The following UGT2B4 variants were observed in gnomAD, a reference collection of about 807,000 sequenced individuals.
The protein encoded by UGT2B4 is UDP-glucuronosyltransferase 2B4.
UGT2B4 carries 49 observed loss-of-function variants against 49.8 expected under a neutral mutation model. That is an observed-to-expected ratio of 0.98 (90% CI 0.78 to 1.25). UGT2B4 has a LOEUF of 1.25. UGT2B4 is among the 50% of genes most tolerant of loss of function. UGT2B4 has a pLI of 0.00. For synonymous variants in UGT2B4, 246 were observed against 217.7 expected (o/e 1.13, Z -1.14); for missense variants, 729 against 627.7 (o/e 1.16, Z -1.73).
At chr4:69,520,583 C>A (rs1017668578) in intron 1 of UGT2B4, among the ~76,000 whole-genome samples, 2 of 152,228 alleles carry the variant, frequency 1.3e-5, no homozygotes, top group Admixed American at 1.3e-4. Flanking sequence ...GGAACCCAGT[C>A]TGGGGTAGAG....
chr4:69,495,168 A>G lies in UGT2B4; in HGVS notation c.694T>C (p.Trp232Arg). ...AGAACTTCACTGTAGAACTGATCCC[A>G]CTTCTTCATGTCAAATATTTGGAAC... ...FWFQIFDMKK[W>R]DQFYSEVLGR... The change falls in exon 1 of 6, where the codon TGG becomes CGG. Residue 232 changes from tryptophan to arginine, a missense_variant. Trp to Arg is a moderately radical substitution (Grantham distance 101, BLOSUM62 -3). Transcript: ENST00000305107. The G allele has an allele frequency of 6.4e-7, 1 of 1,573,896 alleles. No individual in the cohort carries two copies. The highest frequency in any genetic ancestry group is 8.6e-7 in the Non-Finnish European group (1 of 1,164,324).
intron 1 of UGT2B4, among the ~76,000 whole-genome samples, chr4:69,506,883 A>G (rs72848460): frequency 0.011 from 1,730 of 152,274 alleles, 26 homozygotes; most frequent in African/African-American, 0.039. Flanking sequence ...ACCATGATCA[A>G]GTAGGCATTA....
chr4:69,509,341 T>A (rs1728552724), intron 1 of UGT2B4, among the ~76,000 whole-genome samples: 1 of 152,038 alleles, frequency 6.6e-6, no homozygotes, highest in African/African-American at 2.4e-5. Flanking sequence ...CCTGTCTAAT[T>A]TTTGTATTTT....
intron 1 of UGT2B4, among the ~76,000 whole-genome samples, chr4:69,516,876 C>CT (rs563014123): frequency 0.15 from 21,059 of 144,458 alleles, 1,570 homozygotes; most frequent in African/African-American, 0.18. Context: ...CCAAAGGCTT[C>CT]TTTTTTTTTT....
chr4:69,519,116 A>G (rs749371805), intron 1 of UGT2B4, among the ~76,000 whole-genome samples: 2 of 152,234 alleles, frequency 1.3e-5, no homozygotes, highest in African/African-American at 2.4e-5. Flanking sequence ...GCTAACTTGA[A>G]GTAGGAGAAC....
At chr4:69,521,676 G>A (rs1728853791) in intron 1 of UGT2B4, among the ~76,000 whole-genome samples, 1 of 152,156 alleles carries the variant, frequency 6.6e-6, no homozygotes, top group African/African-American at 2.4e-5. Flanking sequence ...TGGGCCAAGT[G>A]GGTAGAATGA....
In UGT2B4 at chr4:69,495,199, T is replaced by C; in HGVS notation, c.663A>G (p.Glu221=). The C allele has an allele frequency of 7.5e-6, 12 of 1,592,336 alleles. No individual in the cohort carries two copies. Among genetic ancestry groups the C allele is most frequent in the Non-Finnish European group, 9.4e-6 (11 of 1,172,666 alleles). ...VKNMIYVLYF[E]FWFQIFDMKK... ...TCATGTCAAATATTTGGAACCAAAA[T>C]TCAAAATAAAGCACATAGATCATAT... is the stretch of plus-strand genomic sequence containing the variant. The change falls in exon 1 of 6, where the codon GAA becomes GAG. Residue 221 remains glutamate, a synonymous_variant. Coordinates refer to ENST00000305107, the MANE Select transcript of UGT2B4 (RefSeq NM_021139.3).
At chr4:69,483,479 G>C (rs1404708501) in intron 5 of UGT2B4, among the ~76,000 whole-genome samples, 1 of 151,900 alleles carries the variant, frequency 6.6e-6, no homozygotes, top group Non-Finnish European at 1.5e-5. Context: ...TTATTTTTCA[G>C]GTCAGTTTAG....
intron 1 of UGT2B4, among the ~76,000 whole-genome samples, chr4:69,502,600 C>T (rs1577896164): frequency 6.6e-6 from 1 of 152,090 alleles, no homozygotes; most frequent in African/African-American, 2.4e-5. Flanking sequence ...AATGTGGTTG[C>T]CTGTTCCCAT....
chr4:69,497,116 T>G (rs6821129), upstream of UGT2B4, among the ~76,000 whole-genome samples: 31,426 of 152,050 alleles, frequency 0.21, 3,428 homozygotes, highest in Middle Eastern at 0.27. Context: ...GATAATAACT[T>G]AAACATTTTG....
intron 1 of UGT2B4, among the ~76,000 whole-genome samples, chr4:69,522,928 G>C (rs1821188): frequency 0.59 from 89,409 of 152,048 alleles, 27,021 homozygotes; most frequent in East Asian, 0.75. Flanking sequence ...TTTTCACCAG[G>C]AGCAAATTTT....
intron 1 of UGT2B4, among the ~76,000 whole-genome samples, chr4:69,503,899 A>G (rs2109822900): frequency 6.6e-6 from 1 of 152,330 alleles, no homozygotes; most frequent in Non-Finnish European, 1.5e-5. Flanking sequence ...TTGAGGAGCC[A>G]GAGAACAAAG....
At chr4:69,517,836 TG>T in intron 1 of UGT2B4, 1 of 172,934 alleles carries the variant, frequency 5.8e-6, no homozygotes, top group Middle Eastern at 5.6e-4. Flanking sequence ...AAGGTGGAGG[TG>T]GAAGTTTCCC....
intron 1 of UGT2B4, among the ~76,000 whole-genome samples, chr4:69,504,821 GA>G (rs573905067): frequency 6.8e-6 from 1 of 147,660 alleles, no homozygotes; most frequent in Non-Finnish European, 1.5e-5. Context: ...TGGTAGAAAT[GA>G]AAAAAAAACA....
intron 1 of UGT2B4, among the ~76,000 whole-genome samples, chr4:69,505,606 A>G (rs566197778): frequency 1.3e-5 from 2 of 152,314 alleles, no homozygotes; most frequent in Admixed American, 1.3e-4. Context: ...AGACTCCCAC[A>G]CAATAATAGT....
upstream of UGT2B4, among the ~76,000 whole-genome samples, chr4:69,500,620 A>AGAAAGAAAGAAT (rs1728287035): frequency 7.8e-6 from 1 of 128,988 alleles, no homozygotes; most frequent in African/African-American, 2.7e-5. Context: ...AAAGAAAGAA[A>AGAAAGAAAGAAT]GAAAGAAAGA....
intron 2 of UGT2B4, 98 bp from the exon 3 acceptor site, chr4:69,489,668 A>G (rs1727922583): frequency 6.7e-7 from 1 of 1,486,696 alleles, no homozygotes; most frequent in African/African-American, 1.4e-5. Context: ...AAGTTTTATC[A>G]GGAATTATTG....
At chr4:69,516,098 G>C (rs1162652733) in intron 1 of UGT2B4, among the ~76,000 whole-genome samples, 2 of 152,132 alleles carry the variant, frequency 1.3e-5, no homozygotes, top group Non-Finnish European at 2.9e-5. Flanking sequence ...TGTGGTGTTT[G>C]GTTTTCTGTT....
rs1046842589 is a variant in UGT2B4, at chr4:69,485,233, G to A, written c.1285C>T (p.Leu429=). 1.3e-5 allele frequency: 21 copies of A among 1,613,720 alleles called. No homozygotes were observed. The Admixed American group carries it at 1.3e-4, about 10-fold the overall frequency. The change falls in exon 5 of 6, where the codon CTG becomes TTG. Residue 429 remains leucine (L), a synonymous_variant. Transcript: ENST00000305107. ...AAAGGATCATTAATTACTGTCTTCA[G>A]TGCATTGAGTAAGTCTGTACTCGAC... is the stretch of plus-strand genomic sequence containing the variant. ...TMSSTDLLNA[L]KTVINDPLYK... is the part of the protein sequence containing the mutation.
Sources: allele counts gnomAD v4.1 joint callset (sites outside exome capture counted in the v4.1 genomes callset), GRCh38; gene constraint gnomAD v4.1.1; transcripts MANE v1.5; gene names NCBI Gene and HGNC (gene_info 2026-07-23, HGNC 2026-07-21).